METTL21A: variants seen among roughly 807,000 people sequenced by gnomAD.
METTL21A encodes methyltransferase 21A, HSPA lysine, also known as protein N-lysine methyltransferase METTL21A.
In METTL21A, 22 loss-of-function variants were observed where a neutral mutation model predicts 20.9. The ratio of observed to expected loss-of-function variants is 1.05; its 90% confidence interval spans 0.75 to 1.50. The LOEUF is 1.50. Among genes scored for constraint, METTL21A ranks in the 40% most tolerant of loss-of-function variants. The probability of loss-of-function intolerance (pLI) is 0.00; values close to 1 mark genes in which losing one functional copy is unlikely to be tolerated. For missense variants in METTL21A, 271 were observed against 266.8 expected (o/e 1.02, Z -0.11); for synonymous variants, 93 against 102.0 (o/e 0.91, Z 0.53).
At chr2:207,588,738 TTTTTG>T (rs1258169660) in intron 3 of METTL21A, among the ~76,000 whole-genome samples, 1 of 130,740 alleles carries the variant, frequency 7.6e-6, no homozygotes, top group Admixed American at 7.4e-5. Flanking sequence ...GTTTTTTTTT[TTTTTG>T]TGTGTGGGGG....
chr2:207,589,978 C>T lies in METTL21A; in HGVS notation c.260-7818G>A, dbSNP rs2084658720. On this transcript the variant is annotated intron_variant, in intron 3 of 3. Transcript: ENST00000425132. ...TGAGGTGGAAGTCTTCCCTTCCCTT[C>T]TCTTTTTCTGGAAGAGATTATAATA... 2.0e-5 allele frequency among the ~76,000 whole-genome samples: 3 copies of T among 151,040 alleles called. No homozygotes were observed. In the South Asian group the frequency reaches 6.2e-4, roughly 31 times the overall value.
intron 3 of METTL21A, chr2:207,601,075 G>C (rs1371533427): frequency 1.1e-5 from 2 of 187,548 alleles, no homozygotes; most frequent in African/African-American, 4.7e-5. Flanking sequence ...TTGAATTAAA[G>C]TGAGTTTTAG....
intron 3 of METTL21A, among the ~76,000 whole-genome samples, chr2:207,590,422 T>C (rs943065160): frequency 9.9e-5 from 15 of 152,016 alleles, no homozygotes; most frequent in African/African-American, 3.4e-4. Context: ...AAATTCTTAG[T>C]TTCATTAGTT....
intron 3 of METTL21A, among the ~76,000 whole-genome samples, chr2:207,617,828 C>T (rs60037816): frequency 0.01 from 1,561 of 152,086 alleles, 26 homozygotes; most frequent in African/African-American, 0.036. Context: ...AGAGACAGAT[C>T]CAGGAAATAG....
chr2:207,616,498 CT>C (rs754264676), intron 3 of METTL21A, among the ~76,000 whole-genome samples: 5 of 152,216 alleles, frequency 3.3e-5, no homozygotes, highest in Non-Finnish European at 7.3e-5. Context: ...AACCTCTCCC[CT>C]CATACAACTT....
chr2:207,590,097 T>TG (rs1420817915), intron 3 of METTL21A, among the ~76,000 whole-genome samples: 2 of 143,108 alleles, frequency 1.4e-5, no homozygotes, highest in Non-Finnish European at 3.1e-5. Context: ...TTTTTTTTTT[T>TG]TTTTTTTTTT....
intron 3 of METTL21A, among the ~76,000 whole-genome samples, chr2:207,591,355 T>C (rs1259244026): frequency 7.2e-5 from 11 of 152,246 alleles, no homozygotes; most frequent in Non-Finnish European, 1.2e-4. Flanking sequence ...AATGTCTTTC[T>C]TTATCCCTGA....
rs56299306 is a variant in METTL21A at position 207,598,255 on chromosome 2, C to T, written c.260-16095G>A. The T allele has an allele frequency of 6.1e-3, 1,120 of 183,932 alleles. 50 individuals carry two copies. The Admixed American group carries it at 0.062, about 10-fold the overall frequency. 11.4% of individuals were successfully genotyped at this position (183,932 alleles called of 1,614,324 possible). A position where few individuals can be genotyped will look rare whatever the true frequency, so the allele number is the denominator to read the frequency against. ...CAGACATATTTGAATGACTGCTGTA[C>T]TGCAATATTTGGATTGTCATTCTTA... On this transcript the variant is annotated intron_variant, in intron 3 of 3. Transcript: ENST00000425132.
intron 3 of METTL21A, among the ~76,000 whole-genome samples, chr2:207,586,700 A>T (rs1338444517): frequency 1.4e-4 from 22 of 152,228 alleles, no homozygotes; most frequent in Non-Finnish European, 3.2e-4. Flanking sequence ...AACTCAACCG[A>T]ACAGGAAAAC....
chr2:207,607,394 A>AAAAGAAAGAAAG (rs148420908), downstream of METTL21A, among the ~76,000 whole-genome samples: 1 of 151,406 alleles, frequency 6.6e-6, no homozygotes, highest in South Asian at 2.1e-4. Context: ...CATCTCAAAA[A>AAAAGAAAGAAAG]AAAGAAAGAA....
downstream of METTL21A, among the ~76,000 whole-genome samples, chr2:207,604,297 C>A (rs1222836366): frequency 6.6e-6 from 1 of 152,206 alleles, no homozygotes; most frequent in Admixed American, 6.5e-5. Flanking sequence ...TAACATATGT[C>A]TTTTACACTC....
intron 3 of METTL21A, chr2:207,601,622 T>C (rs2087067991): frequency 4.8e-6 from 1 of 209,316 alleles, no homozygotes; most frequent in Non-Finnish European, 9.7e-6. Flanking sequence ...TGCCAAAATA[T>C]CCATTAATTT....
At chr2:207,624,632 A>T (rs2090907439) in intron 1 of METTL21A, 1 of 353,176 alleles carries the variant, frequency 2.8e-6, no homozygotes, top group African/African-American at 2.2e-5. Context: ...AAAAAAGCCC[A>T]GAACATTCCA....
exon 4 of METTL21A, chr2:207,612,755 A>G (rs2709417): frequency 0.1 from 25,798 of 252,966 alleles, 3,883 homozygotes; most frequent in African/African-American, 0.4. Flanking sequence ...TCATCAGTGG[A>G]AACTGTTTAT....
intron 2 of METTL21A, 57 bp from the exon 3 acceptor site, chr2:207,621,974 A>C (rs1236106783): frequency 6.1e-6 from 9 of 1,475,440 alleles, no homozygotes; most frequent in African/African-American, 1.4e-5. Context: ...GAGTAGCTGC[A>C]GGGTTTCAGG....
At chr2:207,603,435 A>C (rs538501839) in intron 3 of METTL21A, 8 of 224,752 alleles carry the variant, frequency 3.6e-5, no homozygotes, top group Non-Finnish European at 6.2e-5. Context: ...AAAACTCTGT[A>C]AGTCTCTTTT....
At chr2:207,586,259 T>G (rs1190244221) in intron 3 of METTL21A, among the ~76,000 whole-genome samples, 1 of 151,994 alleles carries the variant, frequency 6.6e-6, no homozygotes, top group African/African-American at 2.4e-5. Context: ...TGGAACAGAA[T>G]AAAGAACACA....
At chr2:207,605,159 C>T (rs941469052), downstream of METTL21A, among the ~76,000 whole-genome samples, 4 of 152,176 alleles carry the variant, frequency 2.6e-5, no homozygotes, top group Non-Finnish European at 5.9e-5. Context: ...TTTCCCTCAG[C>T]AGCTGTACCG....
chr2:207,581,260 T>C (rs1451973946), downstream of METTL21A: 1 of 200,164 alleles, frequency 5.0e-6, no homozygotes, highest in Non-Finnish European at 1.0e-5. Context: ...TCTTAGAAAA[T>C]GGATAGGGTA....
Sources: gnomAD v4.1 joint callset for allele counts (sites outside exome capture counted in the v4.1 genomes callset) on GRCh38, gnomAD v4.1.1 for gene constraint, MANE v1.5 for transcripts, NCBI Gene and HGNC (gene_info 2026-07-23, HGNC 2026-07-21) for gene names.